The following RHBDD1 variants were observed in gnomAD, a reference collection of about 807,000 sequenced individuals.
RHBDD1 encodes the protein rhomboid domain containing 1, also known as rhomboid-related protein 4.
In RHBDD1, 38 loss-of-function variants were observed where a neutral mutation model predicts 36.3. The ratio of observed to expected loss-of-function variants is 1.05; its 90% CI spans 0.81 to 1.37. The LOEUF is 1.37. Among genes scored for constraint, RHBDD1 ranks in the 40% most tolerant of loss-of-function variants. The pLI is 0.00. For synonymous variants in RHBDD1, 151 were observed against 136.5 expected, an observed-to-expected ratio of 1.11 and a Z score of -0.74; for missense variants, 393 against 377.6, an observed-to-expected ratio of 1.04 and a Z score of -0.34.
the RHBDD1 span, chr2:226,807,480 T>G: frequency 6.6e-6 from 1 of 152,226 alleles, no homozygotes; most frequent in Admixed American, 6.5e-5. Flanking sequence ...TGTCTTTGAT[T>G]CCTAGGAAAT....
At chr2:226,814,675 T>C in the RHBDD1 span, among the ~76,000 whole-genome samples, 1 of 152,096 alleles carries the variant, frequency 6.6e-6, no homozygotes, top group Non-Finnish European at 1.5e-5. Flanking sequence ...CAATGGGCTG[T>C]TGAAACAAAT....
intron 8 of RHBDD1, among the ~76,000 whole-genome samples, chr2:226,990,645 G>A (rs1030727070): frequency 6.6e-6 from 1 of 152,172 alleles, no homozygotes; most frequent in Non-Finnish European, 1.5e-5. Flanking sequence ...TCCCTTAGAT[G>A]TAAAATGCAG....
chr2:226,926,795 C>A (rs747848475), intron 8 of RHBDD1, among the ~76,000 whole-genome samples: 60 of 152,232 alleles, frequency 3.9e-4, no homozygotes, highest in Non-Finnish European at 8.7e-4. Flanking sequence ...ATATGAATAT[C>A]CTGTTTCCTA....
At chr2:226,967,450 T>G (rs953975668) in intron 8 of RHBDD1, among the ~76,000 whole-genome samples, 1 of 152,110 alleles carries the variant, frequency 6.6e-6, no homozygotes, top group African/African-American at 2.4e-5. Flanking sequence ...TTGTTACATA[T>G]GTATACATGT....
chr2:226,836,489 T>C (rs1476745708), intron 1 of RHBDD1, among the ~76,000 whole-genome samples: 3 of 152,182 alleles, frequency 2.0e-5, no homozygotes, highest in Non-Finnish European at 2.9e-5. Flanking sequence ...TCGGGACAGC[T>C]TTCAGTTTCT....
At chr2:226,901,487 T>A (rs1231093799) in intron 5 of RHBDD1, among the ~76,000 whole-genome samples, 4 of 152,228 alleles carry the variant, frequency 2.6e-5, no homozygotes, top group Non-Finnish European at 5.9e-5. Flanking sequence ...CTGAACCAAT[T>A]TACATTCCCA....
the RHBDD1 span, among the ~76,000 whole-genome samples, chr2:226,829,245 C>A: frequency 1.3e-5 from 2 of 152,110 alleles, no homozygotes; most frequent in African/African-American, 4.8e-5. Context: ...ATTCTTACAC[C>A]AATAGCACAC....
At chr2:226,819,560 T>C in the RHBDD1 span, among the ~76,000 whole-genome samples, 377 of 152,278 alleles carry the variant, frequency 2.5e-3, 3 homozygotes, top group African/African-American at 8.6e-3. Context: ...AGGCTGATAA[T>C]GTAGGAGGCT....
intron 5 of RHBDD1, among the ~76,000 whole-genome samples, chr2:226,887,150 T>C (rs970679373): frequency 7.2e-5 from 11 of 152,212 alleles, no homozygotes; most frequent in Non-Finnish European, 1.2e-4. Context: ...TTTTCTGTTC[T>C]AAGACTGTTT....
At chr2:226,882,297 G>A (rs917950924) in intron 5 of RHBDD1, among the ~76,000 whole-genome samples, 1 of 151,840 alleles carries the variant, frequency 6.6e-6, no homozygotes, top group Admixed American at 6.6e-5. Context: ...GGGCTTGGTG[G>A]CAGGCACCTG....
At chr2:226,941,016 G>C (rs747010078) in intron 8 of RHBDD1, among the ~76,000 whole-genome samples, 1 of 149,414 alleles carries the variant, frequency 6.7e-6, no homozygotes, top group African/African-American at 2.5e-5. Flanking sequence ...GCATGATCTC[G>C]GCTCACTGCA....
intron 3 of RHBDD1, among the ~76,000 whole-genome samples, chr2:226,851,761 A>G (rs964748477): frequency 2.0e-5 from 3 of 152,072 alleles, no homozygotes; most frequent in African/African-American, 2.4e-5. Flanking sequence ...TGTTGTTGCT[A>G]TTGTTGTTGA....
chr2:226,867,463 A>G, intron 5 of RHBDD1, 145 bp downstream of exon 5: 1 of 1,213,090 alleles, frequency 8.2e-7, no homozygotes, highest in South Asian at 1.8e-5. Context: ...TAATAGTTTT[A>G]ATGTCAGATA....
At chr2:226,892,192 A>G (rs1946745049) in intron 5 of RHBDD1, among the ~76,000 whole-genome samples, 1 of 152,222 alleles carries the variant, frequency 6.6e-6, no homozygotes, top group Non-Finnish European at 1.5e-5. Flanking sequence ...GTTTAACATT[A>G]ACTGTGCCTT....
intron 5 of RHBDD1, among the ~76,000 whole-genome samples, chr2:226,899,947 G>A (rs141687629): frequency 2.4e-4 from 36 of 152,256 alleles, no homozygotes; most frequent in Non-Finnish European, 4.3e-4. Context: ...CCTCTGTGCC[G>A]CCATGATTTG....
chr2:226,805,214 G>GTTTGT, the RHBDD1 span, among the ~76,000 whole-genome samples: 14 of 151,976 alleles, frequency 9.2e-5, no homozygotes, highest in South Asian at 2.1e-4. Context: ...TTGTTTGTTT[G>GTTTGT]TTTGTTTTGT....
At chr2:226,951,213 A>G (rs534320491) in intron 8 of RHBDD1, among the ~76,000 whole-genome samples, 3 of 152,226 alleles carry the variant, frequency 2.0e-5, no homozygotes, top group South Asian at 2.1e-4. Flanking sequence ...CCGTTTAACT[A>G]CATCACATCT....
intron 3 of RHBDD1, among the ~76,000 whole-genome samples, chr2:226,851,735 A>G (rs1942835879): frequency 6.6e-6 from 1 of 152,300 alleles, no homozygotes; most frequent in South Asian, 2.1e-4. Flanking sequence ...TTAAACTGAC[A>G]CATGAGCCTT....
chr2:226,880,341 C>T (rs1945616024), intron 5 of RHBDD1, among the ~76,000 whole-genome samples: 1 of 152,074 alleles, frequency 6.6e-6, no homozygotes, highest in South Asian at 2.1e-4. Context: ...CCTCCCTTTC[C>T]TCTTTACAGA....
Sources: gnomAD v4.1 joint callset for allele counts (sites outside exome capture counted in the v4.1 genomes callset) on GRCh38, gnomAD v4.1.1 for gene constraint, MANE v1.5 for transcripts, NCBI Gene and HGNC (gene_info 2026-07-23, HGNC 2026-07-21) for gene names.